Variants in POFUT3 observed in about 807,000 individuals in gnomAD.
POFUT3 encodes the protein protein O-fucosyltransferase 3, also known as GDP-fucose protein O-fucosyltransferase 3.
chr8:33,372,343 A>G, the POFUT3 span: 1 of 1,288,928 alleles, frequency 7.8e-7, no homozygotes, highest in Non-Finnish European at 9.8e-7. Context: ...ACGGACATGG[A>G]AGATAACCAG....
the POFUT3 span, among the ~76,000 whole-genome samples, chr8:33,337,100 G>T: frequency 6.6e-6 from 1 of 152,150 alleles, no homozygotes; most frequent in African/African-American, 2.4e-5. Context: ...AGAAAGATAG[G>T]ATGATGAAGC....
chr8:33,445,112 T>A, the POFUT3 span, among the ~76,000 whole-genome samples: 3 of 151,878 alleles, frequency 2.0e-5, no homozygotes, highest in Non-Finnish European at 4.4e-5. Context: ...TTTTGTATTT[T>A]CTGTAGAGCC....
At chr8:33,380,882 C>T in the POFUT3 span, among the ~76,000 whole-genome samples, 14 of 151,268 alleles carry the variant, frequency 9.3e-5, no homozygotes, top group African/African-American at 3.2e-4. Flanking sequence ...ACCTGTAATC[C>T]CAGCACTTTG....
At chr8:33,335,470 G>C in the POFUT3 span, among the ~76,000 whole-genome samples, 1 of 152,110 alleles carries the variant, frequency 6.6e-6, no homozygotes, top group African/African-American at 2.4e-5. Context: ...TAATGAATAA[G>C]GCAACAGTGA....
At chr8:33,316,445 G>A in the POFUT3 span, among the ~76,000 whole-genome samples, 1 of 151,986 alleles carries the variant, frequency 6.6e-6, no homozygotes, top group Non-Finnish European at 1.5e-5. Context: ...TTTTAGCCAG[G>A]CACGGTGGCT....
chr8:33,467,289 A>AAT, the POFUT3 span, among the ~76,000 whole-genome samples: 1 of 151,602 alleles, frequency 6.6e-6, no homozygotes, highest in Non-Finnish European at 1.5e-5. Context: ...AAAAAAAAAA[A>AAT]AAAAAAGACT....
At chr8:33,369,163 G>A in the POFUT3 span, among the ~76,000 whole-genome samples, 2 of 152,170 alleles carry the variant, frequency 1.3e-5, no homozygotes, top group African/African-American at 4.8e-5. Context: ...ATTGAGCAAA[G>A]TGAACACTAG....
At chr8:33,473,010 C>T in the POFUT3 span, 3 of 152,520 alleles carry the variant, frequency 2.0e-5, no homozygotes, top group African/African-American at 7.2e-5. Context: ...CATCAAGCCC[C>T]TACCCCCACC....
chr8:33,370,054 A>G, the POFUT3 span, among the ~76,000 whole-genome samples: 1 of 151,814 alleles, frequency 6.6e-6, no homozygotes, highest in Non-Finnish European at 1.5e-5. Context: ...TTGAATGGCC[A>G]GGCGCAGTGG....
chr8:33,408,336 C>G, the POFUT3 span, among the ~76,000 whole-genome samples: 1 of 151,776 alleles, frequency 6.6e-6, no homozygotes, highest in Non-Finnish European at 1.5e-5. Context: ...AAGTTTCTAC[C>G]CTGGTGTCTA....
the POFUT3 span, among the ~76,000 whole-genome samples, chr8:33,326,994 T>C: frequency 6.6e-6 from 1 of 152,182 alleles, no homozygotes; most frequent in Non-Finnish European, 1.5e-5. Flanking sequence ...CCCATGCTGG[T>C]CTTGAATGCC....
At chr8:33,367,768 T>C in the POFUT3 span, among the ~76,000 whole-genome samples, 2 of 152,324 alleles carry the variant, frequency 1.3e-5, no homozygotes, top group Non-Finnish European at 2.9e-5. Context: ...ACTCCATTTA[T>C]ATAAGAAGCA....
At chr8:33,350,442 C>A in the POFUT3 span, among the ~76,000 whole-genome samples, 1 of 152,084 alleles carries the variant, frequency 6.6e-6, no homozygotes, top group Non-Finnish European at 1.5e-5. Flanking sequence ...TGAAAATCCA[C>A]GGCCAGCTCC....
At chr8:33,332,488 G>T in the POFUT3 span, among the ~76,000 whole-genome samples, 1 of 61,260 alleles carries the variant, frequency 1.6e-5, no homozygotes, top group African/African-American at 4.6e-5. Context: ...CTGTCTGAAA[G>T]AAAAAAAAAA....
At chr8:33,403,730 T>G in the POFUT3 span, among the ~76,000 whole-genome samples, 2 of 152,086 alleles carry the variant, frequency 1.3e-5, no homozygotes, top group Non-Finnish European at 2.9e-5. Context: ...TTTTAAAAAA[T>G]TTTTTAAATA....
the POFUT3 span, among the ~76,000 whole-genome samples, chr8:33,321,523 T>G: frequency 2.0e-5 from 3 of 152,090 alleles, no homozygotes; most frequent in Non-Finnish European, 4.4e-5. Flanking sequence ...GGTCTCAGGA[T>G]AGTTGGACCT....
At chr8:33,457,221 G>A in the POFUT3 span, among the ~76,000 whole-genome samples, 3 of 152,168 alleles carry the variant, frequency 2.0e-5, no homozygotes, top group Non-Finnish European at 2.9e-5. Flanking sequence ...GCCCAGGTGG[G>A]TGGATCACCT....
chr8:33,317,998 C>A, the POFUT3 span, among the ~76,000 whole-genome samples: 1 of 152,104 alleles, frequency 6.6e-6, no homozygotes, highest in Non-Finnish European at 1.5e-5. Context: ...AAACAAATGT[C>A]TGGTGAATAA....
chr8:33,400,253 A>T, the POFUT3 span, among the ~76,000 whole-genome samples: 2,744 of 151,438 alleles, frequency 0.018, 308 homozygotes, highest in Admixed American at 0.16. Context: ...GGAATTCGAG[A>T]CCAGCCTGGC....
Sources: gnomAD v4.1 joint callset for allele counts (sites outside exome capture counted in the v4.1 genomes callset) on GRCh38, gnomAD v4.1.1 for gene constraint, MANE v1.5 for transcripts, NCBI Gene and HGNC (gene_info 2026-07-23, HGNC 2026-07-21) for gene names.